Variants in PLK5 observed in about 807,000 individuals in gnomAD.
PLK5 encodes the protein inactive serine/threonine-protein kinase PLK5.
In PLK5, 28 loss-of-function variants were observed where a neutral mutation model predicts 33.7. The observed-to-expected ratio is 0.83, with a 90% CI of 0.62 to 1.14. The LOEUF is 1.14. Among genes scored for constraint, PLK5 ranks in the 50% most tolerant of loss-of-function variants. PLK5 has a pLI of 0.00. For synonymous variants in PLK5, 225 were observed against 202.2 expected (o/e 1.11, Z -0.96); for missense variants, 492 against 461.5 (o/e 1.07, Z -0.61).
chr19:1,524,617 GT>G lies in PLK5; in HGVS notation c.-544+372del, dbSNP rs1423436140. 3.5e-3 allele frequency among the ~76,000 whole-genome samples: 531 copies of G among 151,172 alleles called. 4 individuals are homozygous for G. Among genetic ancestry groups the G allele is most frequent in the African/African-American group, 0.012 (505 of 41,162 alleles). On this transcript the variant is annotated intron_variant, in intron 1 of 13. Transcript: ENST00000454744. This position sits in a 1 kb window ranked among gnomAD's most constrained non-coding sequence, Gnocchi z 4.5. ...GCGGTGTTCGTGTGTGTGTGTGTGT[GT>G]GTGTGTGTGTGTGTCTGGGTGTTGT...
At chr19:1,534,606 C>T (rs1914035193) in intron 13 of PLK5, among the ~76,000 whole-genome samples, 1 of 149,092 alleles carries the variant, frequency 6.7e-6, no homozygotes, top group Admixed American at 6.7e-5. Flanking sequence ...GAGATAGAGA[C>T]CATCCTGCCT....
In PLK5 at chr19:1,535,365, G is replaced by A. The variant is rs945348786; in HGVS notation, c.*115G>A. On this transcript the variant is annotated 3_prime_UTR_variant, in exon 14 of 14. Coordinates refer to ENST00000454744, the MANE Select transcript of PLK5 (RefSeq NM_001243079.2). The stretch of plus-strand genomic sequence containing the variant: ...CCTGGGGGAGGGCTGGGGGGCACAC[G>A]GGAGGTGGGTTCTTGCCTTGTGGCA... 9.2e-5 allele frequency: 107 copies of A among 1,168,858 alleles called. No individual in the cohort carries two copies. Among genetic ancestry groups the A allele is most frequent in the Non-Finnish European group, 1.2e-4 (102 of 857,042 alleles). The allele number at this position is 1,168,858 out of a possible 1,614,324, so 72.4% of individuals were successfully genotyped here.
At chr19:1,527,042 G>A (rs745504144) in intron 6 of PLK5, 44 bp downstream of exon 6, 15 of 1,033,570 alleles carry the variant, frequency 1.5e-5, no homozygotes, top group Middle Eastern at 2.0e-4. Context: ...TCCGGGGGGG[G>A]CAGGTGTGGC....
chr19:1,532,346 C>T (rs61601424), intron 12 of PLK5, among the ~76,000 whole-genome samples: 9,516 of 151,966 alleles, frequency 0.063, 972 homozygotes, highest in African/African-American at 0.22. Context: ...TGAGATCAGC[C>T]TTGGCCTCAT....
Position 1,529,739 on chromosome 19 carries a change from C to G in PLK5, c.491-8C>G. The G allele has an allele frequency of 6.5e-7, 1 of 1,536,052 alleles. No individual in the cohort carries two copies. The highest frequency in any genetic ancestry group is 8.7e-7 in the Non-Finnish European group (1 of 1,146,846). ...ACCTGTCTGCGGCACAAAGACCTGT[C>G]TTCCCAGGGCCCGAGGGGAGCCGGC... On this transcript the variant is annotated splice_region_variant and splice_polypyrimidine_tract_variant and intron_variant, in intron 10 of 13. Coordinates refer to ENST00000454744, the MANE Select transcript of PLK5 (RefSeq NM_001243079.2).
In PLK5 at chr19:1,534,026, CAATGGGATG is replaced by C; in HGVS notation, c.811_819del (p.Asn271_Met273del). ...AGCACGCCCTGCTGCTGCTGTTCAGCAATGGGATGGTGCAGGTGAGCCCGGGGCTCAAAC... is the reference window on the plus strand; with the variant it reads ...AGCACGCCCTGCTGCTGCTGTTCAGCGTGCAGGTGAGCCCGGGGCTCAAAC... On this transcript the variant is annotated inframe_deletion, in exon 13 of 14. Coordinates refer to ENST00000454744, the MANE Select transcript of PLK5 (RefSeq NM_001243079.2). 1 of 1,535,624 alleles carries C rather than the reference CAATGGGATG, an allele frequency of 6.5e-7. No homozygotes were observed. Among genetic ancestry groups the C allele is most frequent in the Non-Finnish European group, 8.7e-7 (1 of 1,146,730 alleles).
intron 12 of PLK5, 155 bp from the exon 13 acceptor site, chr19:1,533,776 G>A (rs1914000624): frequency 1.6e-6 from 1 of 639,766 alleles, no homozygotes; most frequent in Non-Finnish European, 2.8e-6. Flanking sequence ...TGAGGGATGT[G>A]CCCGGCCTGC....
At chr19:1,527,895 G>T in intron 6 of PLK5, 41 bp from the exon 7 acceptor site, 3 of 1,512,888 alleles carry the variant, frequency 2.0e-6, no homozygotes, top group Non-Finnish European at 8.8e-7. Flanking sequence ...AGCTCTGAGC[G>T]ATGCCTGGAC....
At position 1,529,944 on chromosome 19, in the gene PLK5, G is replaced by T. The variant is rs563744362; in HGVS notation, c.568+120G>T. 3.9e-5 allele frequency: 41 copies of T among 1,040,838 alleles called. No individual in the cohort carries two copies. In the Admixed American group the frequency reaches 7.4e-4, roughly 19 times the overall value. The allele number at this position is 1,040,838 out of a possible 1,614,324, so 64.5% of individuals were successfully genotyped here. ...GGGGTGAGGAGTAGGGGTGAGGGAGGCCCCAGGACACGGTGACATCAGGAG... is the reference window on the plus strand; with the variant it reads ...GGGGTGAGGAGTAGGGGTGAGGGAGTCCCCAGGACACGGTGACATCAGGAG... On this transcript the variant is annotated intron_variant, in intron 11 of 13. Coordinates refer to ENST00000454744, the MANE Select transcript of PLK5 (RefSeq NM_001243079.2).
chr19:1,528,470 C>T (rs762428159), intron 8 of PLK5, 42 bp downstream of exon 8: 40 of 1,479,678 alleles, frequency 2.7e-5, no homozygotes, highest in Non-Finnish European at 3.1e-5. Flanking sequence ...CACCTGCCCA[C>T]GCCTCCCACC....
chr19:1,529,308 C>G, intron 9 of PLK5, 98 bp from the exon 10 acceptor site: 1 of 1,093,678 alleles, frequency 9.1e-7, no homozygotes, highest in Non-Finnish European at 1.3e-6. Flanking sequence ...GTGCAGAGCA[C>G]GGAGGGCACA....
intron 6 of PLK5, among the ~76,000 whole-genome samples, 163 bp from the exon 7 acceptor site, chr19:1,527,773 G>C (rs7254681): frequency 6.6e-6 from 1 of 151,596 alleles, no homozygotes; most frequent in African/African-American, 2.4e-5. Flanking sequence ...ACCAAGCAGC[G>C]TGCATGGGAC....
At position 1,524,362 on chromosome 19, in the gene PLK5, T is replaced by C. The variant is rs554601936; in HGVS notation, c.-544+116T>C. 5.3e-5 allele frequency: 8 copies of C among 152,030 alleles called. No homozygotes were observed. The highest frequency in any genetic ancestry group is 1.9e-4 in the African/African-American group (8 of 41,504). 9.4% of individuals were successfully genotyped at this position (152,030 alleles called of 1,614,324 possible). On this transcript the variant is annotated intron_variant, in intron 1 of 13. Coordinates refer to ENST00000454744, the MANE Select transcript of PLK5 (RefSeq NM_001243079.2). The surrounding 1 kb of genome is among the most constrained non-coding windows in gnomAD (Gnocchi z 4.5). ...GGCGCGTCCCTGCGAGCGCGGGGTC[T>C]GGAGCGGGCGCGCGTCCGGAGCCGC...
At chr19:1,529,513 C>T (rs775195644) in intron 10 of PLK5, 23 bp downstream of exon 10, 1 of 1,529,384 alleles carries the variant, frequency 6.5e-7, no homozygotes. Context: ...CCGTCCCAGC[C>T]CGGGGCTGCA....
intron 12 of PLK5, among the ~76,000 whole-genome samples, chr19:1,533,490 C>T (rs551086270): frequency 1.3e-5 from 2 of 151,816 alleles, no homozygotes; most frequent in Non-Finnish European, 2.9e-5. Flanking sequence ...TGCTGGTGAC[C>T]GGGGAGGGAT....
At chr19:1,532,711 G>T (rs1247386240) in intron 12 of PLK5, among the ~76,000 whole-genome samples, 2 of 151,854 alleles carry the variant, frequency 1.3e-5, no homozygotes, top group Non-Finnish European at 2.9e-5. Context: ...TATTAGAGAC[G>T]GGGTTTCTCC....
Position 1,526,616 on chromosome 19 carries a change from G to C in PLK5, c.-183+1G>C. ...ATCCTGCACCGCGACCTGAAGCTCA[G>C]TGAGTGCCAGGAAGGGGAACTGTGG... On this transcript the variant is annotated splice_donor_variant, in intron 4 of 13. Transcript: ENST00000454744. LOFTEE classifies it low-confidence loss of function (5UTR_SPLICE). 1 of 356,780 alleles carries C rather than the reference G, an allele frequency of 2.8e-6. No homozygotes were observed. Among genetic ancestry groups the C allele is most frequent in the Non-Finnish European group, 5.4e-6 (1 of 185,968 alleles). The allele number at this position is 356,780 out of a possible 1,614,324, so 22.1% of individuals were successfully genotyped here.
chr19:1,526,775 G>C lies in PLK5; in HGVS notation c.-111G>C. Reference sequence around the variant, plus strand: ...GGGACTGGCGGCCAAGGTGGGGCCAGGGGGCCGCTGCCACAGGTGAGAGCC... The same window carrying C: ...GGGACTGGCGGCCAAGGTGGGGCCACGGGGCCGCTGCCACAGGTGAGAGCC... On this transcript the variant is annotated 5_prime_UTR_variant, in exon 5 of 14. Transcript: ENST00000454744. 1 of 586,512 alleles carries C rather than the reference G, an allele frequency of 1.7e-6. No individual in the cohort carries two copies. Among genetic ancestry groups the C allele is most frequent in the South Asian group, 2.0e-5 (1 of 50,438 alleles). 36.3% of individuals were successfully genotyped at this position (586,512 alleles called of 1,614,324 possible). A position where few individuals can be genotyped will look rare whatever the true frequency, so the allele number is the denominator to read the frequency against.
At chr19:1,528,826 G>A (rs1913836956) in intron 8 of PLK5, 72 bp from the exon 9 acceptor site, 2 of 1,165,522 alleles carry the variant, frequency 1.7e-6, no homozygotes, top group Middle Eastern at 2.7e-4. Flanking sequence ...GTGGGTGTGG[G>A]TGGCAGGTGC....
Sources: allele counts gnomAD v4.1 joint callset (sites outside exome capture counted in the v4.1 genomes callset), GRCh38; gene constraint gnomAD v4.1.1; non-coding constraint Gnocchi (gnomAD v3.1); transcripts MANE v1.5; gene names NCBI Gene and HGNC (gene_info 2026-07-23, HGNC 2026-07-21).